The following MYOCD variants were observed in gnomAD, a reference collection of about 807,000 sequenced individuals.
MYOCD encodes myocardin.
MYOCD carries 32 observed loss-of-function variants against 96.1 expected under a neutral mutation model. The observed-to-expected ratio is 0.33, with a 90% CI of 0.25 to 0.45. The LOEUF (loss-of-function observed/expected upper bound fraction) is 0.45, where lower values mean the gene tolerates loss of function less well. MYOCD is among the 20% of genes least tolerant of loss of function. The pLI is 1.00. For synonymous variants in MYOCD, 469 were observed against 469.0 expected (o/e 1.00, Z 0.00); for missense variants, 1,133 against 1,200.6 (o/e 0.94, Z 0.83).
At chr17:12,725,522 CTATA>C (rs1354211539) in intron 5 of MYOCD, among the ~76,000 whole-genome samples, 2 of 148,034 alleles carry the variant, frequency 1.4e-5, no homozygotes, top group African/African-American at 2.5e-5. Flanking sequence ...ATATATAAAA[CTATA>C]TGTATGAATT....
chr17:12,732,981 G>A (rs763898327), intron 5 of MYOCD, among the ~76,000 whole-genome samples: 10 of 152,154 alleles, frequency 6.6e-5, no homozygotes, highest in Admixed American at 2.6e-4. Context: ...CAGCTATTTT[G>A]TGGAATTCTG....
intron 4 of MYOCD, among the ~76,000 whole-genome samples, chr17:12,722,454 T>C (rs1343788030): frequency 6.6e-6 from 1 of 152,178 alleles, no homozygotes; most frequent in Non-Finnish European, 1.5e-5. Context: ...GTACTACTAA[T>C]TATAACAACA....
intron 1 of MYOCD, among the ~76,000 whole-genome samples, chr17:12,668,126 A>G (rs1468327465): frequency 6.6e-6 from 1 of 152,246 alleles, no homozygotes; most frequent in Non-Finnish European, 1.5e-5. Flanking sequence ...CTGAGGTCGC[A>G]GCATGCTAAC....
At chr17:12,698,437 T>G (rs1410849759) in intron 1 of MYOCD, among the ~76,000 whole-genome samples, 1 of 152,208 alleles carries the variant, frequency 6.6e-6, no homozygotes, top group Non-Finnish European at 1.5e-5. Flanking sequence ...GAATTTATTT[T>G]GTATTCAGGG....
In MYOCD at chr17:12,766,269, T is replaced by C. The variant is rs576218043; in HGVS notation, c.*2625T>C. The C allele has an allele frequency of 6.6e-6, 1 of 152,376 alleles. No homozygotes were observed. Among genetic ancestry groups the C allele is most frequent in the East Asian group, 1.9e-4 (1 of 5,190 alleles). The allele number at this position is 152,376 out of a possible 1,614,324, so 9.4% of individuals were successfully genotyped here. On this transcript the variant is annotated 3_prime_UTR_variant, in exon 14 of 14. Transcript: ENST00000425538. Reference sequence around the variant, plus strand: ...CCTTGGGTATTTCTATCTGAGAGACTAGACCTAGTTAGGAGGCCTCTGTAC... The same window carrying C: ...CCTTGGGTATTTCTATCTGAGAGACCAGACCTAGTTAGGAGGCCTCTGTAC...
At chr17:12,731,898 C>G (rs758185) in intron 5 of MYOCD, among the ~76,000 whole-genome samples, 85,461 of 152,058 alleles carry the variant, frequency 0.56, 24,254 homozygotes, top group East Asian at 0.69. Context: ...ATAGCTGTGT[C>G]TGGGCTCCCT....
At chr17:12,733,700 TC>T (rs1399318221) in intron 5 of MYOCD, among the ~76,000 whole-genome samples, 3 of 152,008 alleles carry the variant, frequency 2.0e-5, no homozygotes, top group Non-Finnish European at 4.4e-5. Flanking sequence ...AAACCCTGTC[TC>T]CACAAAAATA....
chr17:12,756,682 C>T (rs918665288), intron 11 of MYOCD, 125 bp downstream of exon 11: 2 of 294,090 alleles, frequency 6.8e-6, no homozygotes, highest in Non-Finnish European at 1.1e-5. Flanking sequence ...GGTGACAGAG[C>T]GAGACTGCAT....
At position 12,756,567 on chromosome 17, in the gene MYOCD, T is replaced by G; in HGVS notation, c.2202+10T>G. 1.3e-6 allele frequency: 2 copies of G among 1,545,578 alleles called. No homozygotes were observed. The highest frequency in any genetic ancestry group is 1.7e-6 in the Non-Finnish European group (2 of 1,143,812). On this transcript the variant is annotated intron_variant, in intron 11 of 13. Transcript: ENST00000425538. ...ATGTGTACAGCAAAAGGTAGGCACC[T>G]GAAAAAAGGCCTCAACCTGGGATTC...
Position 12,753,262 on chromosome 17 carries a change from T to C in MYOCD, c.1974T>C (p.Pro658=). The change falls in exon 10 of 14, where the codon CCT becomes CCC. Residue 658 remains proline, a synonymous_variant. Coordinates refer to ENST00000425538, the MANE Select transcript of MYOCD (RefSeq NM_001146312.3). ...GTTTGCCCCCATCACCCAACAACCC[T>C]CACTTTCTGCCCTCATCCTCCGGGG... ...HISLPPSPNN[P]HFLPSSSGAQ... 1.9e-6 allele frequency: 3 copies of C among 1,614,042 alleles called. No individual in the cohort carries two copies. The highest frequency in any genetic ancestry group is 2.5e-6 in the Non-Finnish European group (3 of 1,179,990).
At chr17:12,691,056 C>T (rs932607139) in intron 1 of MYOCD, among the ~76,000 whole-genome samples, 4 of 152,154 alleles carry the variant, frequency 2.6e-5, no homozygotes, top group East Asian at 1.9e-4. Context: ...GTTGCACATT[C>T]GGTAATGACC....
chr17:12,747,049 T>A (rs1044545066), intron 9 of MYOCD, among the ~76,000 whole-genome samples: 20 of 132,638 alleles, frequency 1.5e-4, no homozygotes, highest in South Asian at 9.8e-4. Context: ...TTTTTTTTTT[T>A]AAATATAAAC....
intron 12 of MYOCD, among the ~76,000 whole-genome samples, chr17:12,759,861 G>A (rs2033121526): frequency 1.3e-5 from 2 of 152,170 alleles, no homozygotes; most frequent in African/African-American, 4.8e-5. Flanking sequence ...TTATTAAGAT[G>A]TCCTGCTCCT....
At chr17:12,732,531 T>C (rs961399379) in intron 5 of MYOCD, among the ~76,000 whole-genome samples, 1 of 152,198 alleles carries the variant, frequency 6.6e-6, no homozygotes, top group African/African-American at 2.4e-5. Context: ...GATTCTCTGA[T>C]TGTGTCCCAT....
At chr17:12,687,867 C>T (rs943589783) in intron 1 of MYOCD, among the ~76,000 whole-genome samples, 2 of 152,164 alleles carry the variant, frequency 1.3e-5, no homozygotes, top group African/African-American at 4.8e-5. Flanking sequence ...TTGAATAATA[C>T]GATGGTGTTA....
intron 12 of MYOCD, 66 bp downstream of exon 12, chr17:12,758,279 G>C: frequency 6.2e-7 from 1 of 1,603,696 alleles, no homozygotes; most frequent in Non-Finnish European, 8.5e-7. Context: ...TGTTTGATAT[G>C]ATTAAACTTC....
Position 12,760,532 on chromosome 17 carries a change from GA to G in MYOCD, c.2332-109del, listed in dbSNP as rs981011356. 1,385 of 774,068 alleles carry G rather than the reference GA, an allele frequency of 1.8e-3. 3 individuals are homozygous for G. The highest frequency in any genetic ancestry group is 2.4e-3 in the Non-Finnish European group (1,091 of 453,606). The allele number at this position is 774,068 out of a possible 1,614,324, so 47.9% of individuals were successfully genotyped here. On this transcript the variant is annotated intron_variant, in intron 12 of 13. Coordinates refer to ENST00000425538, the MANE Select transcript of MYOCD (RefSeq NM_001146312.3). ...AGTTATGTGTATTTTGCCACAATTG[GA>G]AAAAAAAATACCTTGACCAAACCTA...
In MYOCD at chr17:12,744,187, A is replaced by G. The variant is rs1418859680; in HGVS notation, c.722A>G (p.Lys241Arg). The change falls in exon 8 of 14, where the codon AAA becomes AGA. Residue 241 changes from lysine (K) to arginine (R), a missense_variant. Physicochemically the swap from Lys to Arg is conservative, Grantham distance 26 (BLOSUM62 2). Transcript: ENST00000425538. The stretch of plus-strand genomic sequence containing the variant: ...ATTTCCTCATCTTCTTTGCAGTCCA[A>G]ATCCTTGGGTGACAGTAAGAACCGC... The part of the protein sequence containing the change: ...PIAVHAAVKS[K>R]SLGDSKNRHK... 11 of 1,613,974 alleles carry G rather than the reference A, an allele frequency of 6.8e-6. No individual in the cohort carries two copies. The African/African-American group carries it at 1.2e-4, about 18-fold the overall frequency.
chr17:12,719,541 A>C (rs1451549145), intron 4 of MYOCD, among the ~76,000 whole-genome samples: 1 of 151,992 alleles, frequency 6.6e-6, no homozygotes, highest in Admixed American at 6.5e-5. Context: ...ATTTAATGCT[A>C]ATACAAGAGT....
Sources: gnomAD v4.1 joint callset for allele counts (sites outside exome capture counted in the v4.1 genomes callset) on GRCh38, gnomAD v4.1.1 for gene constraint, MANE v1.5 for transcripts, NCBI Gene and HGNC (gene_info 2026-07-23, HGNC 2026-07-21) for gene names.